Variants in ADGRE2 observed in about 807,000 individuals in gnomAD.
ADGRE2 encodes the protein CD97 antigen.
In ADGRE2, 83 loss-of-function variants were observed where a neutral mutation model predicts 100.8. The observed-to-expected ratio is 0.82, with a 90% CI of 0.69 to 0.99. The LOEUF is 0.99. ADGRE2 is among the 50% of genes least tolerant of loss of function. ADGRE2 has a pLI of 0.00. For synonymous variants in ADGRE2, 355 were observed against 413.0 expected (o/e 0.86, Z 1.70); for missense variants, 814 against 1,035.7 (o/e 0.79, Z 2.94).
downstream of ADGRE2, chr19:14,731,087 T>A: frequency 1.1e-5 from 13 of 1,147,270 alleles, no homozygotes; most frequent in African/African-American, 3.1e-5. Context: ...CCGCCCCTCC[T>A]GCCCCCTCCC....
the ADGRE2 span, among the ~76,000 whole-genome samples, chr19:14,726,098 T>C: frequency 6.6e-6 from 1 of 152,276 alleles, no homozygotes; most frequent in East Asian, 1.9e-4. Context: ...AATCTGAGCA[T>C]CTGCAGGCTT....
chr19:14,728,471 A>G (rs1038455598), downstream of ADGRE2, among the ~76,000 whole-genome samples: 2 of 152,126 alleles, frequency 1.3e-5, no homozygotes, highest in Non-Finnish European at 2.9e-5. Context: ...TGGTCATGTT[A>G]TCTTGCTAGG....
At chr19:14,748,370 G>A (rs375982987) in intron 16 of ADGRE2, among the ~76,000 whole-genome samples, 104 of 152,216 alleles carry the variant, frequency 6.8e-4, no homozygotes, top group Middle Eastern at 3.4e-3. Context: ...GTGCAATGGA[G>A]CCATCTTGGC....
intron 15 of ADGRE2, among the ~76,000 whole-genome samples, chr19:14,751,912 C>T (rs867478001): frequency 0.036 from 3,448 of 94,716 alleles, 69 homozygotes; most frequent in African/African-American, 0.043. Flanking sequence ...CACACACACA[C>T]ATATATATAT....
At chr19:14,753,622 C>T (rs2335214) in intron 14 of ADGRE2, among the ~76,000 whole-genome samples, 64,362 of 151,572 alleles carry the variant, frequency 0.42, 14,806 homozygotes, top group African/African-American at 0.6. Flanking sequence ...GGTGAAACCC[C>T]ATCTCTAGTA....
rs143149076 is a variant in ADGRE2 at position 14,754,964 on chromosome 19, T to G, written c.1580A>C (p.Tyr527Ser). 2.2e-4 allele frequency: 354 copies of G among 1,613,868 alleles called. 3 individuals carry two copies. In the African/African-American group the frequency reaches 4.4e-3, roughly 20 times the overall value. ...LSSFAVLMAH[Y>S]DVQEEDPVLT... ...TCCTAAGGGTCTCACCTGCACATCG[T>G]AGTGGGCCATGAGGACGGCAAAGCT... The change falls in exon 14 of 21, where the codon TAC becomes TCC. Residue 527 changes from tyrosine to serine, a missense_variant. Transcript: ENST00000315576.
At position 14,764,476 on chromosome 19, in the gene ADGRE2, G is replaced by T. The variant is rs773278296; in HGVS notation, c.1041C>A (p.Asn347Lys). Residue 347 changes from asparagine (N) to lysine (K), a missense_variant, in exon 11 of 21, where the codon AAC becomes AAA. Coordinates refer to ENST00000315576, the MANE Select transcript of ADGRE2 (RefSeq NM_013447.4). ...LEDVLRGLSK[N>K]LSNGLLNFSY... Reference sequence around the variant, plus strand: ...TGAAGTTCAACAGCCCATTGGAAAGGTTCTTGCTCAGGCCTCTGAGGACAT... The same window carrying T: ...TGAAGTTCAACAGCCCATTGGAAAGTTTCTTGCTCAGGCCTCTGAGGACAT... 3.1e-6 allele frequency: 5 copies of T among 1,613,222 alleles called. No homozygotes were observed. The highest frequency in any genetic ancestry group is 2.2e-5 in the South Asian group (2 of 91,086).
chr19:14,774,984 A>T (rs1248828832), intron 2 of ADGRE2, among the ~76,000 whole-genome samples: 1 of 139,816 alleles, frequency 7.2e-6, no homozygotes, highest in Non-Finnish European at 1.6e-5. Flanking sequence ...CAAAAATTTT[A>T]AAATGATTTA....
chr19:14,736,207 A>G lies in ADGRE2; in HGVS notation c.*29T>C. On this transcript the variant is annotated 3_prime_UTR_variant, in exon 21 of 21. Coordinates refer to ENST00000315576, the MANE Select transcript of ADGRE2 (RefSeq NM_013447.4). The stretch of plus-strand genomic sequence containing the variant: ...GATTGTTCAGATTTTCCACGGGCAA[A>G]GAGGGAAGATCTTATTCAGAAGATT... 6.3e-7 allele frequency: 1 copy of G among 1,579,390 alleles called. No individual in the cohort carries two copies. The highest frequency in any genetic ancestry group is 8.7e-7 in the Non-Finnish European group (1 of 1,149,530).
At chr19:14,725,745 T>A in the ADGRE2 span, among the ~76,000 whole-genome samples, 1 of 152,230 alleles carries the variant, frequency 6.6e-6, no homozygotes, top group Non-Finnish European at 1.5e-5. Flanking sequence ...TAGTGCAAGA[T>A]ATGGGATCTC....
Position 14,756,312 on chromosome 19 carries a change from C to T in ADGRE2, c.1118G>A (p.Arg373Lys). The change falls in exon 12 of 21, where the codon AGG becomes AAG. Residue 373 changes from arginine (R) to lysine (K), a missense_variant. Physicochemically the swap from Arg to Lys is conservative, Grantham distance 26. Transcript: ENST00000315576. The stretch of plus-strand genomic sequence containing the variant: ...CTGATTCTGTCTCAAGGTGACACTC[C>T]TGTCTACTTGCTTCTGCACCTCCAG... ...LSLEVQKQVDRSVTLRQNQAV... is the reference protein window; with the variant it reads ...LSLEVQKQVDKSVTLRQNQAV... 2 of 1,613,980 alleles carry T rather than the reference C, an allele frequency of 1.2e-6. No individual in the cohort carries two copies. Among genetic ancestry groups the T allele is most frequent in the East Asian group, 2.2e-5 (1 of 44,888 alleles).
At chr19:14,754,870 A>AT in intron 14 of ADGRE2, 84 bp downstream of exon 14, 2 of 1,448,572 alleles carry the variant, frequency 1.4e-6, no homozygotes, top group Non-Finnish European at 1.9e-6. Context: ...GATAATGCAT[A>AT]TATTTTTTTA....
At chr19:14,776,976 G>GCACACACACACACACACACACACA (rs58154734) in intron 1 of ADGRE2, 49 bp from the exon 2 acceptor site, 25 of 1,026,212 alleles carry the variant, frequency 2.4e-5, no homozygotes, top group Middle Eastern at 4.0e-4. Flanking sequence ...CAGGGGCGCT[G>GCACACACACACACACACACACACA]CACACACACA....
intron 6 of ADGRE2, among the ~76,000 whole-genome samples, chr19:14,766,753 G>A (rs1046834724): frequency 6.6e-6 from 1 of 152,212 alleles, no homozygotes; most frequent in African/African-American, 2.4e-5. Flanking sequence ...AAGGGGTGAG[G>A]TCTGGGGGCC....
intron 20 of ADGRE2, among the ~76,000 whole-genome samples, chr19:14,740,216 T>A (rs2042888110): frequency 6.7e-6 from 1 of 148,266 alleles, no homozygotes; most frequent in African/African-American, 2.6e-5. Flanking sequence ...TCATGATGAC[T>A]TGGATTTGTG....
rs377637436 is a variant in ADGRE2, at chr19:14,746,939, C to T, written c.2048G>A (p.Gly683Glu). ...AGGTCCAAGGAAGCCCCATATAAAT[C>T]CCTTTTCTGGTTGGAGCCAGCAGCT... ...PSRCWLQPEK[G>E]FIWGFLGPVC... The change falls in exon 17 of 21, where the codon GGA becomes GAA. Residue 683 changes from glycine (G) to glutamate (E), a missense_variant. By Grantham distance (98) the Gly-to-Glu change is moderately conservative. Transcript: ENST00000315576. 1.7e-5 allele frequency: 28 copies of T among 1,613,312 alleles called. No homozygotes were observed. The African/African-American group carries it at 2.4e-4, about 14-fold the overall frequency.
Position 14,776,849 on chromosome 19 carries a change from G to C in ADGRE2, c.-93C>G, listed in dbSNP as rs2147613392. ...CGCAGGCTGGGCAGCTGTGCGGGCTGTCCCGAGGCCAGGACTTTATAAAGG... is the reference window on the plus strand; with the variant it reads ...CGCAGGCTGGGCAGCTGTGCGGGCTCTCCCGAGGCCAGGACTTTATAAAGG... On this transcript the variant is annotated 5_prime_UTR_variant, in exon 2 of 21. Coordinates refer to ENST00000315576, the MANE Select transcript of ADGRE2 (RefSeq NM_013447.4). 1 of 1,579,740 alleles carries C rather than the reference G, an allele frequency of 6.3e-7. No homozygotes were observed. The highest frequency in any genetic ancestry group is 2.4e-5 in the East Asian group (1 of 42,524).
chr19:14,759,503 A>ATATATATATTTT (rs60789454), intron 11 of ADGRE2, among the ~76,000 whole-genome samples: 74 of 133,368 alleles, frequency 5.5e-4, no homozygotes, highest in African/African-American at 2.0e-3. Context: ...ATATATATAT[A>ATATATATATTTT]TTTTTTTTTT....
chr19:14,738,489 C>T (rs1308805557), intron 20 of ADGRE2, among the ~76,000 whole-genome samples: 1 of 152,036 alleles, frequency 6.6e-6, no homozygotes, highest in Non-Finnish European at 1.5e-5. Context: ...AGCAATACTC[C>T]AATCTTAGCC....
Sources: gnomAD v4.1 joint callset for allele counts (sites outside exome capture counted in the v4.1 genomes callset) on GRCh38, gnomAD v4.1.1 for gene constraint, MANE v1.5 for transcripts, NCBI Gene and HGNC (gene_info 2026-07-23, HGNC 2026-07-21) for gene names.